DSG1: variants seen among roughly 807,000 people sequenced by gnomAD.
The protein encoded by DSG1 is desmoglein 1.
In DSG1, 39 loss-of-function variants were observed where a neutral mutation model predicts 97.5. That is an observed-to-expected ratio of 0.40 (90% CI 0.31 to 0.52). DSG1 has a LOEUF of 0.52. DSG1 is among the 20% of genes least tolerant of loss of function. The pLI is 0.53. For missense variants in DSG1, 1,311 were observed against 1,295.4 expected (o/e 1.01, Z -0.18); for synonymous variants, 475 against 443.4 (o/e 1.07, Z -0.90).
intron 1 of DSG1, among the ~76,000 whole-genome samples, chr18:31,322,356 G>A (rs570133947): frequency 6.6e-6 from 1 of 152,274 alleles, no homozygotes; most frequent in South Asian, 2.1e-4. Context: ...AAATTATCAC[G>A]CTATTAAACA....
At chr18:31,340,082 G>A in intron 11 of DSG1, 57 bp downstream of exon 11, 1 of 1,529,572 alleles carries the variant, frequency 6.5e-7, no homozygotes, top group Non-Finnish European at 9.0e-7. Flanking sequence ...TGGGGGAGGA[G>A]TTAAGTTTTC....
intron 1 of DSG1, among the ~76,000 whole-genome samples, chr18:31,318,873 G>C (rs1568037746): frequency 6.6e-6 from 1 of 151,904 alleles, no homozygotes; most frequent in Non-Finnish European, 1.5e-5. Context: ...GTTAGAATCT[G>C]TATCACTACT....
Position 31,346,083 on chromosome 18 carries a change from C to T in DSG1, c.1985C>T (p.Thr662Ile), listed in dbSNP as rs2071831689. Residue 662 changes from threonine to isoleucine, a missense_variant, in exon 14 of 15, where the codon ACT (threonine) becomes ATT (isoleucine). Around this residue, in one of 3 missense-constraint regions of DSG1, gnomAD observed 1,038 missense variants for 964.6 expected, o/e 1.08. Coordinates refer to ENST00000257192, the MANE Select transcript of DSG1 (RefSeq NM_001942.4). ...TTTGAACTAACAGAGGGAGTTAAAA[C>T]TTCAGGAATGCCTGAGATATGTCAA... ...TGFELTEGVK[T>I]SGMPEICQEY... 2.5e-6 allele frequency: 4 copies of T among 1,613,822 alleles called. No individual in the cohort carries two copies. Among genetic ancestry groups the T allele is most frequent in the African/African-American group, 1.3e-5 (1 of 75,012 alleles).
chr18:31,342,479 T>G (rs1301469680), intron 11 of DSG1, among the ~76,000 whole-genome samples: 1 of 152,144 alleles, frequency 6.6e-6, no homozygotes, highest in Non-Finnish European at 1.5e-5. Context: ...CCTTTCCTCC[T>G]TCTTCACAAT....
rs758601443 is a variant in DSG1 at position 31,338,295 on chromosome 18, T to C, written c.1266-20T>C. 15 of 1,612,200 alleles carry C rather than the reference T, an allele frequency of 9.3e-6. No homozygotes were observed. In the South Asian group the frequency reaches 1.3e-4, roughly 14 times the overall value. On this transcript the variant is annotated intron_variant, in intron 9 of 14. Coordinates refer to ENST00000257192, the MANE Select transcript of DSG1 (RefSeq NM_001942.4). ...TTTAGATAGCTGACATTAATTTGTA[T>C]CATTTTCTTTCAAATACAGGTATGT...
At chr18:31,324,791 C>T (rs2071675926) in intron 1 of DSG1, among the ~76,000 whole-genome samples, 1 of 152,204 alleles carries the variant, frequency 6.6e-6, no homozygotes, top group Admixed American at 6.5e-5. Flanking sequence ...CAACTGCTCA[C>T]CGTCTGTAAT....
At position 31,356,923 on chromosome 18, in the gene DSG1, A is replaced by G. The variant is rs1341140610; in HGVS notation, c.*1577A>G. 6 of 152,302 alleles carry G rather than the reference A, an allele frequency of 3.9e-5. No homozygotes were observed. Among genetic ancestry groups the G allele is most frequent in the African/African-American group, 1.4e-4 (6 of 41,578 alleles). The allele number at this position is 152,302 out of a possible 1,614,324, so 9.4% of individuals were successfully genotyped here. A position where few individuals can be genotyped will look rare whatever the true frequency, so the allele number is the denominator to read the frequency against. ...ATTCTAAGAAAAAGGTAAATTTACT[A>G]TTGCATGGTACAGAAATTTTTTCTT... On this transcript the variant is annotated 3_prime_UTR_variant, in exon 15 of 15. Transcript: ENST00000257192.
intron 11 of DSG1, among the ~76,000 whole-genome samples, chr18:31,342,335 T>C (rs2071795220): frequency 6.6e-6 from 1 of 152,150 alleles, no homozygotes; most frequent in Non-Finnish European, 1.5e-5. Flanking sequence ...AGACCCAAAG[T>C]TTCCTCTAGT....
intron 1 of DSG1, among the ~76,000 whole-genome samples, chr18:31,319,569 G>A (rs1418619653): frequency 6.6e-6 from 1 of 152,014 alleles, no homozygotes; most frequent in Non-Finnish European, 1.5e-5. Flanking sequence ...TTAGGATTTG[G>A]TAGGGATCAC....
intron 1 of DSG1, among the ~76,000 whole-genome samples, chr18:31,326,175 A>G (rs896351984): frequency 6.6e-6 from 1 of 152,008 alleles, no homozygotes; most frequent in Non-Finnish European, 1.5e-5. Flanking sequence ...TAATGCTACA[A>G]TTAAAATTAA....
chr18:31,323,099 G>C (rs1405094632), intron 1 of DSG1, among the ~76,000 whole-genome samples: 1 of 152,128 alleles, frequency 6.6e-6, no homozygotes. Flanking sequence ...TACAGCTGAG[G>C]AAACTGAGCA....
At chr18:31,327,132 A>AAGT in intron 3 of DSG1, 127 bp downstream of exon 3, 1 of 1,260,374 alleles carries the variant, frequency 7.9e-7, no homozygotes. Flanking sequence ...AACTATAGTC[A>AAGT]CCTAGATGAT....
chr18:31,329,116 C>T (rs2071704768), intron 4 of DSG1, among the ~76,000 whole-genome samples: 1 of 152,126 alleles, frequency 6.6e-6, no homozygotes, highest in Non-Finnish European at 1.5e-5. Context: ...TGCTTTTTCT[C>T]ACAGCATATT....
chr18:31,347,076 G>T (rs536648477), intron 14 of DSG1, among the ~76,000 whole-genome samples: 1 of 152,196 alleles, frequency 6.6e-6, no homozygotes, highest in East Asian at 1.9e-4. Context: ...CCCTGACATC[G>T]ACTAGAAAAA....
intron 1 of DSG1, among the ~76,000 whole-genome samples, chr18:31,326,311 T>C (rs1292473730): frequency 1.3e-5 from 2 of 152,050 alleles, no homozygotes; most frequent in African/African-American, 4.8e-5. Flanking sequence ...ATAAATTCAA[T>C]TAAAAGTTAA....
rs2071737898 is a variant in DSG1, at chr18:31,334,156, T to C, written c.959T>C (p.Ile320Thr). The change falls in exon 8 of 15, where the codon ATA becomes ACA. Residue 320 changes from isoleucine (I) to threonine (T), a missense_variant. Ile to Thr is a moderately conservative substitution (Grantham distance 89). Around this residue, in one of 3 missense-constraint regions of DSG1, gnomAD observed 1,038 missense variants for 964.6 expected, o/e 1.08. Coordinates refer to ENST00000257192, the MANE Select transcript of DSG1 (RefSeq NM_001942.4). ...ISGNEGNWFE[I>T]EMNERTNVGI... ...GGAAATGAAGGAAATTGGTTTGAGA[T>C]AGAAATGAATGAAAGAACAAATGTG... 3 of 1,608,164 alleles carry C rather than the reference T, an allele frequency of 1.9e-6. No individual in the cohort carries two copies. The highest frequency in any genetic ancestry group is 1.7e-6 in the Non-Finnish European group (2 of 1,175,028).
At chr18:31,333,060 G>T (rs59844732) in intron 6 of DSG1, among the ~76,000 whole-genome samples, 1 of 152,158 alleles carries the variant, frequency 6.6e-6, no homozygotes, top group South Asian at 2.1e-4. Flanking sequence ...GAATGAGTGT[G>T]CATTTTTGCA....
chr18:31,338,593 T>G, intron 10 of DSG1, 139 bp downstream of exon 10: 1 of 836,744 alleles, frequency 1.2e-6, no homozygotes, highest in Non-Finnish European at 1.9e-6. Context: ...ACTCATATCT[T>G]TAACAACTTG....
rs965717778 is a variant in DSG1, at chr18:31,336,499, T to C, written c.1151T>C (p.Val384Ala). The C allele has an allele frequency of 1.2e-6, 2 of 1,614,040 alleles. No individual in the cohort carries two copies. The highest frequency in any genetic ancestry group is 1.7e-6 in the Non-Finnish European group (2 of 1,179,940). Residue 384 changes from valine (V) to alanine (A), a missense_variant, in exon 9 of 15, where the codon GTG becomes GCG. Val to Ala is a moderately conservative substitution (Grantham distance 64, BLOSUM62 0). Transcript: ENST00000257192. ...GTGTTAAATGTAATTGAAGGCCCAG[T>C]GTTTCGTCCAGGTTCAAAGACATAT... The part of the protein sequence containing the change: ...VTVLNVIEGP[V>A]FRPGSKTYVV...
Sources: gnomAD v4.1 joint callset for allele counts (sites outside exome capture counted in the v4.1 genomes callset) on GRCh38, gnomAD v4.1.1 for gene constraint, gnomAD v4.1.1 regional missense constraint, MANE v1.5 for transcripts, NCBI Gene and HGNC (gene_info 2026-07-23, HGNC 2026-07-21) for gene names.